Variants in STARD3NL observed in about 807,000 individuals in gnomAD.
The protein encoded by STARD3NL is STARD3 N-terminal-like protein.
STARD3NL carries 17 observed loss-of-function variants against 30.9 expected under a neutral mutation model. That is an observed-to-expected ratio of 0.55 (90% confidence interval 0.38 to 0.82). The LOEUF is 0.82. Ranked by LOEUF, STARD3NL falls within the 40% of genes least tolerant of loss-of-function variation. The pLI, the probability that STARD3NL is intolerant of heterozygous loss-of-function variation, is 0.00. For synonymous variants in STARD3NL, 112 were observed against 100.5 expected (o/e 1.11, Z -0.69); for missense variants, 234 against 277.6 (o/e 0.84, Z 1.12).
chr7:38,206,940 C>CT (rs1785520145), intron 1 of STARD3NL, among the ~76,000 whole-genome samples: 1 of 152,056 alleles, frequency 6.6e-6, no homozygotes, highest in Admixed American at 6.6e-5. Flanking sequence ...GCTGATTTTT[C>CT]TTTTTTCTTT....
intron 1 of STARD3NL, chr7:38,201,570 A>G (rs1785176539): frequency 6.6e-6 from 1 of 152,222 alleles, no homozygotes; most frequent in South Asian, 2.1e-4. Flanking sequence ...ATTTAAATTA[A>G]TTTTAAAATA....
At chr7:38,228,936 G>C in intron 8 of STARD3NL, 65 bp downstream of exon 8, 2 of 1,160,588 alleles carry the variant, frequency 1.7e-6, no homozygotes, top group Non-Finnish European at 2.5e-6. Flanking sequence ...TTTGAGTAGA[G>C]TCAAAGTAGA....
intron 7 of STARD3NL, among the ~76,000 whole-genome samples, chr7:38,228,497 C>T (rs1388801633): frequency 1.3e-5 from 2 of 152,158 alleles, no homozygotes; most frequent in Admixed American, 1.3e-4. Context: ...AGCTTGTCAG[C>T]AAAGAGGCAG....
chr7:38,216,929 C>A, intron 4 of STARD3NL, 96 bp from the exon 5 acceptor site: 1 of 1,463,226 alleles, frequency 6.8e-7, no homozygotes, highest in South Asian at 1.2e-5. Context: ...TCAGGCCTTG[C>A]CTGCTCCTGG....
chr7:38,215,081 A>G lies in STARD3NL; in HGVS notation c.357A>G (p.Arg119=). The G allele has an allele frequency of 1.2e-6, 2 of 1,613,990 alleles. No individual in the cohort carries two copies. The highest frequency in any genetic ancestry group is 1.7e-6 in the Non-Finnish European group (2 of 1,179,956). ...TAATACTTGCATATGCTGTGTGCAG[A>G]CTGCGCCATTGGTGGGCAATAGCGG... ...KVLILAYAVC[R]LRHWWAIALT... is the part of the protein sequence containing the mutation. The change falls in exon 4 of 9, where the codon AGA becomes AGG. Residue 119 remains arginine (R), a synonymous_variant. Transcript: ENST00000009041.
intron 1 of STARD3NL, among the ~76,000 whole-genome samples, chr7:38,184,694 A>G (rs1784388668): frequency 6.8e-6 from 1 of 146,806 alleles, no homozygotes; most frequent in Non-Finnish European, 1.5e-5. Flanking sequence ...TATATAACCC[A>G]TATAGTATAT....
intron 6 of STARD3NL, among the ~76,000 whole-genome samples, chr7:38,218,510 T>C (rs1234912946): frequency 1.3e-5 from 2 of 152,244 alleles, no homozygotes; most frequent in African/African-American, 2.4e-5. Context: ...AACTGAACTT[T>C]GTTGAAAACA....
chr7:38,213,341 T>G (rs540018604), intron 2 of STARD3NL, among the ~76,000 whole-genome samples: 1 of 152,202 alleles, frequency 6.6e-6, no homozygotes, highest in Non-Finnish European at 1.5e-5. Flanking sequence ...CAAAGAAATG[T>G]AGACCTCCTT....
intron 1 of STARD3NL, among the ~76,000 whole-genome samples, chr7:38,203,169 G>C (rs1049559923): frequency 3.3e-5 from 5 of 152,132 alleles, no homozygotes; most frequent in Non-Finnish European, 5.9e-5. Flanking sequence ...GCAATTCCAA[G>C]ACACATAATT....
chr7:38,191,294 A>G (rs985095374), intron 1 of STARD3NL, among the ~76,000 whole-genome samples: 1 of 152,172 alleles, frequency 6.6e-6, no homozygotes, highest in African/African-American at 2.4e-5. Context: ...CAATATTACC[A>G]TGGACTCATG....
intron 2 of STARD3NL, among the ~76,000 whole-genome samples, chr7:38,212,388 T>C (rs900698983): frequency 6.6e-6 from 1 of 152,218 alleles, no homozygotes; most frequent in Non-Finnish European, 1.5e-5. Flanking sequence ...TTTTATAGAA[T>C]TCAACTTCTT....
At chr7:38,223,094 A>G (rs1786560810) in intron 7 of STARD3NL, among the ~76,000 whole-genome samples, 1 of 152,156 alleles carries the variant, frequency 6.6e-6, no homozygotes, top group South Asian at 2.1e-4. Context: ...CCACCACCTA[A>G]TACAGTACCT....
At chr7:38,222,513 ACTT>A (rs1489402742) in intron 7 of STARD3NL, among the ~76,000 whole-genome samples, 3 of 152,226 alleles carry the variant, frequency 2.0e-5, no homozygotes, top group Non-Finnish European at 4.4e-5. Flanking sequence ...ATGCATCTCT[ACTT>A]CTTTTTCTAA....
chr7:38,212,589 C>G (rs992571890), intron 2 of STARD3NL, among the ~76,000 whole-genome samples: 1 of 152,148 alleles, frequency 6.6e-6, no homozygotes, highest in African/African-American at 2.4e-5. Flanking sequence ...GTAGTAGATG[C>G]TCAGCAAATA....
chr7:38,217,032 C>T lies in STARD3NL; in HGVS notation c.389C>T (p.Thr130Met), dbSNP rs752576439. ...LRHWWAIALT[T>M]AVTSAFLLAK... The stretch of plus-strand genomic sequence containing the variant: ...GGATTATGTGTCTTGCAGTTGACAA[C>T]GGCAGTGACCAGTGCCTTTTTACTA... The change falls in exon 5 of 9, where the codon ACG becomes ATG. Residue 130 changes from threonine to methionine, a missense_variant. Coordinates refer to ENST00000009041, the MANE Select transcript of STARD3NL (RefSeq NM_032016.4). The T allele has an allele frequency of 5.0e-6, 8 of 1,613,964 alleles. No homozygotes were observed. Among genetic ancestry groups the T allele is most frequent in the East Asian group, 2.2e-5 (1 of 44,894 alleles).
At chr7:38,226,806 T>A (rs1786797390) in intron 7 of STARD3NL, among the ~76,000 whole-genome samples, 1 of 152,134 alleles carries the variant, frequency 6.6e-6, no homozygotes, top group Admixed American at 6.5e-5. Flanking sequence ...GGCTCCCCAC[T>A]CCAAACTAAG....
At chr7:38,215,232 C>A in intron 4 of STARD3NL, 127 bp downstream of exon 4, 1 of 774,294 alleles carries the variant, frequency 1.3e-6, no homozygotes, top group South Asian at 1.6e-5. Context: ...TTTCCTGAGT[C>A]CCGTTTCCTC....
chr7:38,215,150 G>A (rs1385574230), intron 4 of STARD3NL, 45 bp downstream of exon 4: 1 of 1,578,008 alleles, frequency 6.3e-7, no homozygotes, highest in African/African-American at 1.3e-5. Context: ...CAGTGCTGGT[G>A]GCCAAGTCCT....
intron 7 of STARD3NL, among the ~76,000 whole-genome samples, chr7:38,224,397 CTGTTT>C (rs1220619614): frequency 6.6e-6 from 1 of 152,162 alleles, no homozygotes; most frequent in Non-Finnish European, 1.5e-5. Context: ...TTGATCGTGG[CTGTTT>C]TATTTTACGT....
Sources: allele counts gnomAD v4.1 joint callset (sites outside exome capture counted in the v4.1 genomes callset), GRCh38; gene constraint gnomAD v4.1.1; transcripts MANE v1.5; gene names NCBI Gene and HGNC (gene_info 2026-07-23, HGNC 2026-07-21).